The following ANK2 variants were observed in gnomAD, a reference collection of about 807,000 sequenced individuals.
ANK2 encodes the protein ankyrin-2.
Under a neutral mutation model 360.5 loss-of-function variants are expected in ANK2, and 83 were observed. The ratio of observed to expected loss-of-function variants is 0.23; its 90% CI spans 0.19 to 0.28. The LOEUF (loss-of-function observed/expected upper bound fraction) is 0.28. Ranked by LOEUF, ANK2 falls within the 10% of genes least tolerant of loss-of-function variation. The pLI is 1.00. For missense variants in ANK2, 4,201 were observed against 4,795.7 expected, an observed-to-expected ratio of 0.88 and a Z score of 3.66; for synonymous variants, 1,740 against 1,759.5, an observed-to-expected ratio of 0.99 and a Z score of 0.28.
chr4:112,965,588 T>A (rs1332023676), intron 2 of ANK2, among the ~76,000 whole-genome samples: 1 of 152,172 alleles, frequency 6.6e-6, no homozygotes, highest in Non-Finnish European at 1.5e-5. Flanking sequence ...CTTATAGTAG[T>A]TTTGTAGTAT....
intron 1 of ANK2, chr4:112,827,279 G>T: frequency 1.9e-6 from 2 of 1,055,734 alleles, no homozygotes; most frequent in Non-Finnish European, 3.0e-6. Context: ...GCAGCCAAGA[G>T]TCATTGTAAT....
chr4:112,713,891 G>T, the ANK2 span, among the ~76,000 whole-genome samples: 2 of 145,228 alleles, frequency 1.4e-5, no homozygotes, highest in Non-Finnish European at 3.0e-5. Context: ...CCAAGATCTC[G>T]CCACTGCACT....
intron 4 of ANK2, among the ~76,000 whole-genome samples, chr4:113,229,411 T>C (rs2099265349): frequency 6.6e-6 from 1 of 152,206 alleles, no homozygotes; most frequent in South Asian, 2.1e-4. Context: ...AAGACCCCAG[T>C]GATTACATAG....
At chr4:113,363,194 G>A in intron 39 of ANK2, 144 bp from the exon 40 acceptor site, 1 of 776,654 alleles carries the variant, frequency 1.3e-6, no homozygotes, top group Non-Finnish European at 2.1e-6. Flanking sequence ...AGGCATATAA[G>A]AGTCACTTCT....
chr4:113,285,708 C>G (rs1167918231), intron 18 of ANK2, among the ~76,000 whole-genome samples: 16 of 152,250 alleles, frequency 1.1e-4, no homozygotes, highest in African/African-American at 3.6e-4. Flanking sequence ...ATGATGTCAG[C>G]ATTCATTCCC....
chr4:113,191,695 A>G (rs1419247430), intron 2 of ANK2, among the ~76,000 whole-genome samples: 1 of 152,094 alleles, frequency 6.6e-6, no homozygotes, highest in African/African-American at 2.4e-5. Context: ...AATACCTTAC[A>G]TTTGTTTTTT....
intron 2 of ANK2, among the ~76,000 whole-genome samples, chr4:113,040,938 T>G (rs1244548233): frequency 6.6e-6 from 1 of 152,030 alleles, no homozygotes; most frequent in African/African-American, 2.4e-5. Context: ...GATGATGAGG[T>G]CTCTTTCTGT....
chr4:113,130,129 G>A (rs1182599820), intron 1 of ANK2, among the ~76,000 whole-genome samples: 1 of 152,152 alleles, frequency 6.6e-6, no homozygotes, highest in East Asian at 1.9e-4. Context: ...CTAGGGTTCA[G>A]TAGGATGAAA....
At chr4:112,992,690 G>A (rs2047218700) in intron 2 of ANK2, among the ~76,000 whole-genome samples, 1 of 152,158 alleles carries the variant, frequency 6.6e-6, no homozygotes, top group African/African-American at 2.4e-5. Context: ...GTCTCGTCTT[G>A]TAAGGGCACG....
chr4:112,739,083 C>G, the ANK2 span: 1 of 532,332 alleles, frequency 1.9e-6, no homozygotes, highest in Admixed American at 2.3e-5. Context: ...CAATGCCAGG[C>G]TGTGCAGCAA....
In ANK2 at chr4:112,970,912, A is replaced by G. The variant is rs187318380; in HGVS notation, c.21+66398A>G. Among the ~76,000 whole-genome samples, 18 of 152,346 alleles carry G rather than the reference A, an allele frequency of 1.2e-4. No homozygotes were observed. In the East Asian group the frequency reaches 2.7e-3, roughly 23 times the overall value. ...ATATGTCAATTAGCTTGATTTAGCC[A>G]TTCCACAATGCATAATATTTCAAAA... On this transcript the variant is annotated intron_variant, in intron 2 of 30. Transcript: ENST00000503271.
intron 1 of ANK2, among the ~76,000 whole-genome samples, chr4:112,901,921 A>G (rs573605466): frequency 1.3e-5 from 2 of 152,238 alleles, no homozygotes; most frequent in East Asian, 3.9e-4. Context: ...CACCATGGAA[A>G]GTTATTCAAC....
intron 2 of ANK2, among the ~76,000 whole-genome samples, chr4:113,023,909 C>T (rs759147636): frequency 8.5e-5 from 13 of 152,142 alleles, no homozygotes; most frequent in Non-Finnish European, 1.3e-4. Flanking sequence ...ATTGGGGGAA[C>T]ATATTGCAGA....
intron 1 of ANK2, among the ~76,000 whole-genome samples, chr4:113,074,829 A>G (rs984562069): frequency 6.6e-6 from 1 of 152,240 alleles, no homozygotes; most frequent in African/African-American, 2.4e-5. Context: ...AATTTCAGCT[A>G]GCTATGAACT....
At chr4:112,790,583 G>A in the ANK2 span, among the ~76,000 whole-genome samples, 26 of 150,764 alleles carry the variant, frequency 1.7e-4, no homozygotes, top group African/African-American at 6.4e-4. Context: ...TGCCTCCTGG[G>A]TTCAAGCAAT....
chr4:113,291,651 G>C (rs549896536), intron 20 of ANK2, among the ~76,000 whole-genome samples: 30 of 152,140 alleles, frequency 2.0e-4, no homozygotes, highest in Non-Finnish European at 3.7e-4. Flanking sequence ...AGTATGAAAG[G>C]GCCACTCAGA....
At chr4:113,138,126 C>T (rs866871650) in intron 1 of ANK2, among the ~76,000 whole-genome samples, 2 of 152,070 alleles carry the variant, frequency 1.3e-5, no homozygotes, top group East Asian at 1.9e-4. Context: ...ATAAATAATT[C>T]TTTATACCTT....
intron 1 of ANK2, among the ~76,000 whole-genome samples, chr4:113,162,078 G>C (rs17045700): frequency 0.19 from 29,574 of 152,052 alleles, 3,198 homozygotes; most frequent in African/African-American, 0.28. Context: ...CAATTTTAGG[G>C]TATTCTGTTC....
chr4:113,022,337 G>C (rs12640121), intron 2 of ANK2, among the ~76,000 whole-genome samples: 18,427 of 152,090 alleles, frequency 0.12, 1,573 homozygotes, highest in East Asian at 0.39. Context: ...CTAAAATTGG[G>C]CATTACTTAT....
Sources: allele counts gnomAD v4.1 joint callset (sites outside exome capture counted in the v4.1 genomes callset), GRCh38; gene constraint gnomAD v4.1.1; transcripts MANE v1.5; gene names NCBI Gene and HGNC (gene_info 2026-07-23, HGNC 2026-07-21).